The following CDH6 variants were observed in gnomAD, a reference collection of about 807,000 sequenced individuals.
CDH6 encodes the protein cadherin 6, also known as cadherin-6.
Under a neutral mutation model 78.0 loss-of-function variants are expected in CDH6, and 31 were observed. The ratio of observed to expected loss-of-function variants is 0.40; its 90% CI spans 0.30 to 0.54. The LOEUF is 0.54. Among genes scored for constraint, CDH6 ranks in the 20% least tolerant of loss-of-function variants. The pLI is 0.56. For synonymous variants in CDH6, 376 were observed against 368.8 expected, an observed-to-expected ratio of 1.02 and a Z score of -0.23; for missense variants, 724 against 975.9, an observed-to-expected ratio of 0.74 and a Z score of 3.44.
chr5:31,290,337 C>T (rs1176828452), intron 2 of CDH6, among the ~76,000 whole-genome samples: 2 of 152,182 alleles, frequency 1.3e-5, no homozygotes, highest in Non-Finnish European at 2.9e-5. Context: ...CGAAATGCTA[C>T]AGGTACAGTA....
rs549499483 is a variant in CDH6, at chr5:31,284,063, C to T, written c.229-9899C>T. ...CTCCTGAGCTCAAGCAGTTCACCCA[C>T]GTTGTCCTCCCAAAGTGCTGAGATT... On this transcript the variant is annotated intron_variant, in intron 2 of 11. Coordinates refer to ENST00000265071, the MANE Select transcript of CDH6 (RefSeq NM_004932.4). Among the ~76,000 whole-genome samples, 14 of 152,246 alleles carry T rather than the reference C, an allele frequency of 9.2e-5. No homozygotes were observed. In the East Asian group the frequency reaches 1.2e-3, roughly 13 times the overall value.
intron 6 of CDH6, 52 bp from the exon 7 acceptor site, chr5:31,305,122 G>A: frequency 6.4e-7 from 1 of 1,556,078 alleles, no homozygotes; most frequent in South Asian, 1.2e-5. Flanking sequence ...TTGGCTTTCT[G>A]TGTCTTGGCT....
chr5:31,240,571 C>A (rs1741571013), intron 1 of CDH6, among the ~76,000 whole-genome samples: 2 of 152,176 alleles, frequency 1.3e-5, no homozygotes, highest in African/African-American at 4.8e-5. Flanking sequence ...AGCAGCTCCA[C>A]TAAGAATACC....
Position 31,267,611 on chromosome 5 carries a change from T to C in CDH6, c.138T>C (p.Asn46=), listed in dbSNP as rs769896023. 1.9e-6 allele frequency: 3 copies of C among 1,613,666 alleles called. No homozygotes were observed. The Admixed American group carries it at 5.0e-5, about 27-fold the overall frequency. The change falls in exon 2 of 12, where the codon AAT becomes AAC. Residue 46 remains asparagine, a synonymous_variant. Transcript: ENST00000265071. ...TGGAGCTCTCTGGAAACAGCAAAAA[T>C]GAGCTGAACCGTTCAAAAAGGAGCT... ...RALELSGNSK[N]ELNRSKRSWM... is the part of the protein sequence containing the mutation.
chr5:31,273,751 A>T (rs547637739), intron 2 of CDH6, among the ~76,000 whole-genome samples: 7 of 152,364 alleles, frequency 4.6e-5, no homozygotes, highest in South Asian at 2.1e-4. Flanking sequence ...AAATTTTTTT[A>T]AAGGCTACTT....
At position 31,299,715 on chromosome 5, in the gene CDH6, A is replaced by G. The variant is rs1737709092; in HGVS notation, c.811+84A>G. On this transcript the variant is annotated intron_variant, in intron 5 of 11. Transcript: ENST00000265071. ...AGAATTTTTATTTTCCATTGTCATCATTATTGTCAAAGTTAGTGGACTTAA... is the reference window on the plus strand; with the variant it reads ...AGAATTTTTATTTTCCATTGTCATCGTTATTGTCAAAGTTAGTGGACTTAA... The G allele has an allele frequency of 2.4e-5, 30 of 1,227,682 alleles. No homozygotes were observed. In the South Asian group the frequency reaches 3.9e-4, roughly 16 times the overall value. The allele number at this position is 1,227,682 out of a possible 1,614,324, so 76.0% of individuals were successfully genotyped here.
At chr5:31,219,129 A>T (rs1269472176) in intron 1 of CDH6, among the ~76,000 whole-genome samples, 1 of 152,212 alleles carries the variant, frequency 6.6e-6, no homozygotes, top group East Asian at 1.9e-4. Flanking sequence ...ACTCAAACAC[A>T]CAAACACAGC....
At chr5:31,260,961 C>G (rs1388323976) in intron 1 of CDH6, among the ~76,000 whole-genome samples, 2 of 152,176 alleles carry the variant, frequency 1.3e-5, no homozygotes, top group East Asian at 3.9e-4. Context: ...CAGCCATGCT[C>G]TATAGACACA....
intron 1 of CDH6, among the ~76,000 whole-genome samples, chr5:31,235,946 T>C (rs1015157625): frequency 6.6e-6 from 1 of 152,234 alleles, no homozygotes; most frequent in East Asian, 1.9e-4. Context: ...TGTATTAATT[T>C]ATGCCCATTG....
chr5:31,315,860 C>T (rs1738306765), intron 8 of CDH6, among the ~76,000 whole-genome samples: 1 of 152,162 alleles, frequency 6.6e-6, no homozygotes, highest in Non-Finnish European at 1.5e-5. Context: ...ATTCATTTTC[C>T]CTCTCCTTCC....
chr5:31,216,683 C>CAAAA (rs70953498), intron 1 of CDH6, among the ~76,000 whole-genome samples: 3,154 of 132,524 alleles, frequency 0.024, 63 homozygotes, highest in Non-Finnish European at 0.037. Flanking sequence ...GCCCTGCCAC[C>CAAAA]AAAAAAAAAA....
chr5:31,314,855 C>T (rs1738270250), intron 8 of CDH6, among the ~76,000 whole-genome samples: 2 of 152,104 alleles, frequency 1.3e-5, no homozygotes, highest in African/African-American at 4.8e-5. Flanking sequence ...TTCTATGACA[C>T]ATTTGAAAGT....
chr5:31,224,046 G>A (rs569288469), intron 1 of CDH6, among the ~76,000 whole-genome samples: 12 of 152,222 alleles, frequency 7.9e-5, no homozygotes, highest in Non-Finnish European at 1.2e-4. Flanking sequence ...GTAACCCTGC[G>A]TACTAGTCTG....
chr5:31,274,322 T>G (rs760427341), intron 2 of CDH6, among the ~76,000 whole-genome samples: 10 of 152,300 alleles, frequency 6.6e-5, no homozygotes, highest in Non-Finnish European at 1.5e-4. Flanking sequence ...AACTTCCCTC[T>G]GTGCACAGTA....
chr5:31,280,350 T>C (rs4867325), intron 2 of CDH6, among the ~76,000 whole-genome samples: 26,790 of 152,182 alleles, frequency 0.18, 2,714 homozygotes, highest in East Asian at 0.31. Flanking sequence ...ATTCCTCAGG[T>C]GATCCACATA....
chr5:31,253,140 C>T (rs1741954032), intron 1 of CDH6, among the ~76,000 whole-genome samples: 1 of 152,210 alleles, frequency 6.6e-6, no homozygotes, highest in African/African-American at 2.4e-5. Context: ...TTTGTCCTCA[C>T]ATGCCAGAAG....
At chr5:31,299,966 G>A (rs971892592) in intron 5 of CDH6, among the ~76,000 whole-genome samples, 6 of 152,262 alleles carry the variant, frequency 3.9e-5, no homozygotes, top group African/African-American at 1.4e-4. Context: ...GAAAAAATTT[G>A]ACTTTATGTT....
At chr5:31,226,367 G>A (rs111410415) in intron 1 of CDH6, among the ~76,000 whole-genome samples, 17,882 of 152,084 alleles carry the variant, frequency 0.12, 1,330 homozygotes, top group East Asian at 0.27. Context: ...TAGAGACGAG[G>A]TTTCACCATG....
intron 1 of CDH6, among the ~76,000 whole-genome samples, chr5:31,235,731 G>A (rs1052986703): frequency 6.6e-6 from 1 of 152,008 alleles, no homozygotes; most frequent in Non-Finnish European, 1.5e-5. Flanking sequence ...CATATGTTCT[G>A]GTTTTTTAAC....
Sources: gnomAD v4.1 joint callset for allele counts (sites outside exome capture counted in the v4.1 genomes callset) on GRCh38, gnomAD v4.1.1 for gene constraint, MANE v1.5 for transcripts, NCBI Gene and HGNC (gene_info 2026-07-23, HGNC 2026-07-21) for gene names.